The following SLC24A2 variants were observed in gnomAD, a reference collection of about 807,000 sequenced individuals.
SLC24A2 encodes solute carrier family 24 member 2, also known as sodium/potassium/calcium exchanger 2.
A neutral mutation model predicts 62.0 loss-of-function variants in SLC24A2; 36 were observed. The observed-to-expected ratio is 0.58, with a 90% CI of 0.44 to 0.77. The LOEUF (loss-of-function observed/expected upper bound fraction) is 0.77, where lower values mean the gene tolerates loss of function less well. SLC24A2 is among the 30% of genes least tolerant of loss of function. SLC24A2 has a pLI of 0.00. For missense variants in SLC24A2, 846 were observed against 817.9 expected (o/e 1.03, Z -0.42); for synonymous variants, 358 against 294.0 (o/e 1.22, Z -2.23).
chr9:19,989,509 T>C, the SLC24A2 span, among the ~76,000 whole-genome samples: 11 of 152,332 alleles, frequency 7.2e-5, no homozygotes, highest in African/African-American at 2.6e-4. Context: ...TAAGAGTTTG[T>C]TAAAGTGGAT....
the SLC24A2 span, among the ~76,000 whole-genome samples, chr9:20,170,284 G>C: frequency 9.7e-5 from 9 of 92,798 alleles, no homozygotes; most frequent in African/African-American, 4.5e-4. Context: ...TCAGGCAAAA[G>C]TTGTCTCAGC....
At chr9:20,095,935 C>A in the SLC24A2 span, among the ~76,000 whole-genome samples, 11 of 152,084 alleles carry the variant, frequency 7.2e-5, no homozygotes, top group Non-Finnish European at 1.6e-4. Context: ...TATTCACTAT[C>A]ATGAGAACAG....
the SLC24A2 span, among the ~76,000 whole-genome samples, chr9:19,991,366 C>A: frequency 1.3e-5 from 2 of 152,124 alleles, no homozygotes; most frequent in Non-Finnish European, 2.9e-5. Flanking sequence ...TCTAGTCCTT[C>A]CATGTTCTTC....
the SLC24A2 span, among the ~76,000 whole-genome samples, chr9:20,233,555 CT>C: frequency 6.6e-6 from 1 of 152,136 alleles, no homozygotes; most frequent in African/African-American, 2.4e-5. Flanking sequence ...CAACCCCTGC[CT>C]TTTTTTGTTT....
chr9:19,798,179 TATG>T, the SLC24A2 span, among the ~76,000 whole-genome samples: 20 of 152,028 alleles, frequency 1.3e-4, no homozygotes, highest in East Asian at 1.9e-4. Context: ...TGTCATCTCA[TATG>T]ATATTTATGT....
At chr9:20,047,762 C>G in the SLC24A2 span, among the ~76,000 whole-genome samples, 2 of 151,240 alleles carry the variant, frequency 1.3e-5, no homozygotes, top group African/African-American at 4.9e-5. Context: ...ATGACCTGAT[C>G]ACTTCTCCAA....
At chr9:20,235,887 CT>C in the SLC24A2 span, among the ~76,000 whole-genome samples, 20,303 of 152,092 alleles carry the variant, frequency 0.13, 1,619 homozygotes, top group African/African-American at 0.22. Context: ...CTATTTCTTT[CT>C]TTTTTTAAAA....
At chr9:20,272,767 C>A in the SLC24A2 span, among the ~76,000 whole-genome samples, 1 of 152,124 alleles carries the variant, frequency 6.6e-6, no homozygotes, top group African/African-American at 2.4e-5. Context: ...CTCTACAAAT[C>A]TACTCTGGCT....
the SLC24A2 span, among the ~76,000 whole-genome samples, chr9:19,832,392 G>C: frequency 1.3e-5 from 2 of 152,188 alleles, no homozygotes; most frequent in Non-Finnish European, 2.9e-5. Context: ...ATTTAAACAA[G>C]TGATTAGTAA....
chr9:20,212,959 G>A, the SLC24A2 span, among the ~76,000 whole-genome samples: 1 of 151,698 alleles, frequency 6.6e-6, no homozygotes. Context: ...CTTATAAGTG[G>A]GAGTTGAAAA....
the SLC24A2 span, among the ~76,000 whole-genome samples, chr9:20,180,165 T>C: frequency 6.6e-6 from 1 of 152,180 alleles, no homozygotes; most frequent in African/African-American, 2.4e-5. Context: ...ACTAGGAAGA[T>C]TGTAAAAATT....
At chr9:19,935,174 T>C in the SLC24A2 span, among the ~76,000 whole-genome samples, 5 of 151,362 alleles carry the variant, frequency 3.3e-5, no homozygotes, top group Admixed American at 3.3e-4. Flanking sequence ...TTGTGAAAAA[T>C]AGATCCCCCA....
the SLC24A2 span, among the ~76,000 whole-genome samples, chr9:19,946,947 A>G: frequency 2.0e-5 from 3 of 152,186 alleles, no homozygotes; most frequent in African/African-American, 7.2e-5. Flanking sequence ...AAAAAATTCA[A>G]AACTCAAACA....
chr9:19,700,063 G>T (rs1820310476), intron 2 of SLC24A2, among the ~76,000 whole-genome samples: 1 of 152,160 alleles, frequency 6.6e-6, no homozygotes, highest in Admixed American at 6.6e-5. Flanking sequence ...CCTCACAGAT[G>T]AAGTTTAAAG....
the SLC24A2 span, among the ~76,000 whole-genome samples, chr9:20,139,363 G>A: frequency 6.6e-6 from 1 of 152,184 alleles, no homozygotes; most frequent in Non-Finnish European, 1.5e-5. Flanking sequence ...AAATGGGGAT[G>A]GCAGCAATAT....
chr9:20,256,763 G>A, the SLC24A2 span, among the ~76,000 whole-genome samples: 1 of 152,108 alleles, frequency 6.6e-6, no homozygotes, highest in South Asian at 2.1e-4. Flanking sequence ...TACCTAGACA[G>A]TAGAAGCAAC....
chr9:19,917,530 C>T, the SLC24A2 span, among the ~76,000 whole-genome samples: 44 of 151,876 alleles, frequency 2.9e-4, no homozygotes, highest in African/African-American at 1.0e-3. Flanking sequence ...ATCAATCTCT[C>T]TATTTTTATG....
the SLC24A2 span, among the ~76,000 whole-genome samples, chr9:20,301,981 A>T: frequency 1.3e-5 from 2 of 152,170 alleles, no homozygotes; most frequent in Admixed American, 1.3e-4. Context: ...GGAATGTCAT[A>T]GAGTTGGAAT....
At chr9:19,546,146 T>C (rs1198002457) in intron 8 of SLC24A2, among the ~76,000 whole-genome samples, 1 of 152,220 alleles carries the variant, frequency 6.6e-6, no homozygotes, top group Non-Finnish European at 1.5e-5. Flanking sequence ...TGTTGGCCCC[T>C]ACTGGGAGCT....
Sources: allele counts gnomAD v4.1 joint callset (sites outside exome capture counted in the v4.1 genomes callset), GRCh38; gene constraint gnomAD v4.1.1; transcripts MANE v1.5; gene names NCBI Gene and HGNC (gene_info 2026-07-23, HGNC 2026-07-21).